The following ANK2 variants were observed in gnomAD, a reference collection of about 807,000 sequenced individuals.
The protein encoded by ANK2 is ankyrin 2.
In ANK2, 83 loss-of-function variants were observed where a neutral mutation model predicts 360.5. The observed-to-expected ratio is 0.23, with a 90% CI of 0.19 to 0.28. The LOEUF is 0.28. Among genes scored for constraint, ANK2 ranks in the 10% least tolerant of loss-of-function variants. The probability of loss-of-function intolerance (pLI) is 1.00; values close to 1 mark genes in which losing one functional copy is unlikely to be tolerated. For synonymous variants in ANK2, 1,740 were observed against 1,759.5 expected, an observed-to-expected ratio of 0.99 and a Z score of 0.28; for missense variants, 4,201 against 4,795.7, an observed-to-expected ratio of 0.88 and a Z score of 3.66.
chr4:112,859,675 T>A (rs1299918668), intron 1 of ANK2, among the ~76,000 whole-genome samples: 2 of 152,230 alleles, frequency 1.3e-5, no homozygotes, highest in Non-Finnish European at 2.9e-5. Flanking sequence ...AGCAAGTCTG[T>A]GTGCAGCAGG....
At chr4:113,321,054 A>T (rs757920879) in intron 26 of ANK2, among the ~76,000 whole-genome samples, 1 of 152,344 alleles carries the variant, frequency 6.6e-6, no homozygotes, top group East Asian at 1.9e-4. Context: ...ATCGTGGTTA[A>T]TAGTGTGCTT....
At chr4:112,899,645 G>A (rs772432538) in intron 1 of ANK2, among the ~76,000 whole-genome samples, 23 of 152,136 alleles carry the variant, frequency 1.5e-4, no homozygotes, top group Non-Finnish European at 3.1e-4. Context: ...CACATCTTCA[G>A]TTTTAGTGGT....
the ANK2 span, among the ~76,000 whole-genome samples, chr4:112,739,776 T>C: frequency 6.6e-6 from 1 of 152,154 alleles, no homozygotes; most frequent in Non-Finnish European, 1.5e-5. Context: ...TAGAGCTAAC[T>C]TTTAATACTA....
At chr4:112,832,401 A>G (rs2059998514) in intron 1 of ANK2, among the ~76,000 whole-genome samples, 1 of 152,198 alleles carries the variant, frequency 6.6e-6, no homozygotes, top group Non-Finnish European at 1.5e-5. Context: ...GTACCCCTGA[A>G]CCTAAAATAA....
chr4:112,850,452 T>C (rs1214951276), intron 1 of ANK2, among the ~76,000 whole-genome samples: 1 of 143,982 alleles, frequency 6.9e-6, no homozygotes, highest in Non-Finnish European at 1.5e-5. Context: ...TTTCTTTTTT[T>C]TTTTTTTTTT....
intron 1 of ANK2, among the ~76,000 whole-genome samples, chr4:112,841,702 A>C (rs1167722997): frequency 6.6e-6 from 1 of 152,142 alleles, no homozygotes; most frequent in African/African-American, 2.4e-5. Flanking sequence ...TTACTGACCG[A>C]ATCATTCTTA....
intron 4 of ANK2, among the ~76,000 whole-genome samples, chr4:113,209,964 G>A (rs1209846300): frequency 1.3e-5 from 2 of 152,222 alleles, no homozygotes; most frequent in African/African-American, 2.4e-5. Context: ...CTTACCAGGG[G>A]CTTCTGTGCC....
At chr4:113,110,473 A>G (rs1164730586) in intron 1 of ANK2, among the ~76,000 whole-genome samples, 1 of 152,210 alleles carries the variant, frequency 6.6e-6, no homozygotes, top group Non-Finnish European at 1.5e-5. Flanking sequence ...GTGCAAGCAT[A>G]TCTTATGTCT....
intron 2 of ANK2, among the ~76,000 whole-genome samples, chr4:113,190,752 G>A (rs916963810): frequency 8.5e-5 from 13 of 152,164 alleles, no homozygotes; most frequent in South Asian, 4.2e-4. Context: ...AGGATTATAT[G>A]AATTAATGCA....
chr4:112,898,784 T>G (rs1469470195), intron 1 of ANK2, among the ~76,000 whole-genome samples: 1 of 152,174 alleles, frequency 6.6e-6, no homozygotes, highest in Non-Finnish European at 1.5e-5. Context: ...GCTCATGGCT[T>G]ACTCAGACCT....
intron 1 of ANK2, among the ~76,000 whole-genome samples, chr4:112,864,924 T>C (rs920840551): frequency 5.4e-5 from 8 of 149,350 alleles, no homozygotes; most frequent in African/African-American, 2.0e-4. Flanking sequence ...TCCAGCTACT[T>C]GGGAGGCTGA....
chr4:112,725,879 C>T, the ANK2 span, among the ~76,000 whole-genome samples: 1 of 151,652 alleles, frequency 6.6e-6, no homozygotes, highest in African/African-American at 2.4e-5. Context: ...GTGAAAATGG[C>T]AAATTTTATG....
chr4:113,224,237 G>A (rs1186805510), intron 4 of ANK2, among the ~76,000 whole-genome samples: 3 of 152,154 alleles, frequency 2.0e-5, no homozygotes, highest in African/African-American at 7.2e-5. Flanking sequence ...ATTTGCAGGT[G>A]TATGTTAAAA....
At chr4:113,284,794 A>G (rs2063747842) in intron 18 of ANK2, among the ~76,000 whole-genome samples, 1 of 151,996 alleles carries the variant, frequency 6.6e-6, no homozygotes, top group South Asian at 2.1e-4. Context: ...CAAAATTTAC[A>G]TAAAACATAT....
At chr4:112,970,605 C>A (rs2039174019) in intron 2 of ANK2, among the ~76,000 whole-genome samples, 1 of 152,152 alleles carries the variant, frequency 6.6e-6, no homozygotes, top group Non-Finnish European at 1.5e-5. Context: ...CTGCCTGCTT[C>A]TTTTAATTTA....
intron 7 of ANK2, among the ~76,000 whole-genome samples, chr4:113,239,922 A>G (rs964025302): frequency 6.6e-6 from 1 of 152,182 alleles, no homozygotes; most frequent in African/African-American, 2.4e-5. Flanking sequence ...TAATCGTGCT[A>G]CACAGTTGTA....
intron 1 of ANK2, among the ~76,000 whole-genome samples, chr4:113,150,590 G>A (rs758659946): frequency 1.3e-5 from 2 of 152,178 alleles, no homozygotes; most frequent in Non-Finnish European, 2.9e-5. Context: ...GTAATCCAGG[G>A]ATGGCCAAAG....
intron 1 of ANK2, among the ~76,000 whole-genome samples, chr4:113,052,651 A>G (rs528306423): frequency 6.6e-6 from 1 of 152,188 alleles, no homozygotes; most frequent in Non-Finnish European, 1.5e-5. Context: ...AAGGTTGTCT[A>G]TTTTGGCTTC....
In ANK2 at chr4:113,358,432, G is replaced by T; in HGVS notation, c.9814G>T (p.Asp3272Tyr). 6.2e-7 allele frequency: 1 copy of T among 1,614,080 alleles called. No individual in the cohort carries two copies. The highest frequency in any genetic ancestry group is 8.5e-7 in the Non-Finnish European group (1 of 1,179,962). The change falls in exon 38 of 46, where the codon GAT (aspartate) becomes TAT (tyrosine). Residue 3272 changes from aspartate to tyrosine, a missense_variant. This residue lies in a region of ANK2 where 2,642 missense variants were observed against 2,714.5 expected (regional missense o/e 0.97). Coordinates refer to ENST00000357077, the MANE Select transcript of ANK2 (RefSeq NM_001148.6). The part of the protein sequence containing the change: ...TRSVYSDRGD[D>Y]SPDSSPEEQK... Reference sequence around the variant, plus strand: ...GTCTGTTTATTCAGATAGGGGTGATGATTCTCCCGATTCTTCCCCAGAAGA... The same window carrying T: ...GTCTGTTTATTCAGATAGGGGTGATTATTCTCCCGATTCTTCCCCAGAAGA...
Sources: allele counts gnomAD v4.1 joint callset (sites outside exome capture counted in the v4.1 genomes callset), GRCh38; gene constraint gnomAD v4.1.1; regional missense constraint gnomAD v4.1.1; transcripts MANE v1.5; gene names NCBI Gene and HGNC (gene_info 2026-07-23, HGNC 2026-07-21).